Variants in VTA1 observed in about 807,000 individuals in gnomAD.
The protein encoded by VTA1 is vesicle trafficking 1, also known as vacuolar protein sorting-associated protein VTA1 homolog.
VTA1 carries 24 observed loss-of-function variants against 36.9 expected under a neutral mutation model. That is an observed-to-expected ratio of 0.65 (90% CI 0.47 to 0.91). The LOEUF is 0.91. Ranked by LOEUF, VTA1 falls within the 40% of genes least tolerant of loss-of-function variation. The probability of loss-of-function intolerance (pLI) is 0.00; values close to 1 mark genes in which losing one functional copy is unlikely to be tolerated. For missense variants in VTA1, 393 were observed against 377.2 expected, an observed-to-expected ratio of 1.04 and a Z score of -0.35; for synonymous variants, 142 against 130.2, an observed-to-expected ratio of 1.09 and a Z score of -0.62.
At chr6:142,214,530 C>T (rs1445714214) in intron 7 of VTA1, among the ~76,000 whole-genome samples, 1 of 152,194 alleles carries the variant, frequency 6.6e-6, no homozygotes, top group Non-Finnish European at 1.5e-5. Flanking sequence ...ATGATCCACT[C>T]ACCTCCTACC....
intron 7 of VTA1, among the ~76,000 whole-genome samples, chr6:142,209,640 C>G (rs913635341): frequency 6.7e-6 from 1 of 149,570 alleles, no homozygotes; most frequent in Admixed American, 6.6e-5. Flanking sequence ...AAAAAAAATA[C>G]CTGGGAACCG....
chr6:142,174,659 G>T (rs1173804726), intron 4 of VTA1, among the ~76,000 whole-genome samples: 3 of 152,202 alleles, frequency 2.0e-5, no homozygotes, highest in African/African-American at 7.2e-5. Context: ...TTGGATGTTT[G>T]TCCCTGCCAA....
At chr6:142,189,622 A>C in intron 5 of VTA1, 88 bp downstream of exon 5, 1 of 1,008,518 alleles carries the variant, frequency 9.9e-7, no homozygotes, top group Non-Finnish European at 1.4e-6. Flanking sequence ...GGAACAATAC[A>C]GTTTTGTTTT....
At chr6:142,148,948 A>T (rs1223243068) in intron 1 of VTA1, among the ~76,000 whole-genome samples, 2 of 152,128 alleles carry the variant, frequency 1.3e-5, no homozygotes, top group Non-Finnish European at 1.5e-5. Context: ...AAGGTCAAAG[A>T]ATCTCTCATC....
At chr6:142,209,084 C>A (rs1044710511) in intron 7 of VTA1, among the ~76,000 whole-genome samples, 3 of 152,078 alleles carry the variant, frequency 2.0e-5, no homozygotes, top group African/African-American at 7.2e-5. Context: ...ATTAGCCTTG[C>A]TCACAGATGA....
At chr6:142,199,056 A>G (rs1775626445) in intron 6 of VTA1, among the ~76,000 whole-genome samples, 1 of 151,842 alleles carries the variant, frequency 6.6e-6, no homozygotes, top group Non-Finnish European at 1.5e-5. Flanking sequence ...GAAGATGGGT[A>G]TTATTGATGA....
rs192544253 is a variant in VTA1, at chr6:142,212,601, T to C, written c.779-5897T>C. On this transcript the variant is annotated intron_variant, in intron 7 of 7. Transcript: ENST00000367630. ...CACTGTGTTTTAGTCTGTTCTCATA[T>C]TGCTATAAAGAACTACCTGAGACTG... 4.0e-3 allele frequency among the ~76,000 whole-genome samples: 601 copies of C among 152,010 alleles called. 3 individuals are homozygous for C. Among genetic ancestry groups the C allele is most frequent in the African/African-American group, 0.014 (576 of 41,358 alleles).
At chr6:142,181,096 T>A (rs867523689) in intron 4 of VTA1, among the ~76,000 whole-genome samples, 1,904 of 51,258 alleles carry the variant, frequency 0.037, 44 homozygotes, top group African/African-American at 0.068. Context: ...AAAAAAAAAA[T>A]ATATATATAT....
At position 142,214,714 on chromosome 6, in the gene VTA1, C is replaced by T. The variant is rs139351839; in HGVS notation, c.779-3784C>T. On this transcript the variant is annotated intron_variant, in intron 7 of 7. Coordinates refer to ENST00000367630, the MANE Select transcript of VTA1 (RefSeq NM_016485.5). The stretch of plus-strand genomic sequence containing the variant: ...TAATACTGATGGATCAATGCAGGTT[C>T]ATCGATTGTGACAAATATACCACTC... 3.5e-3 allele frequency among the ~76,000 whole-genome samples: 528 copies of T among 152,264 alleles called. 1 individual carries two copies. Among genetic ancestry groups the T allele is most frequent in the African/African-American group, 0.012 (497 of 41,552 alleles).
chr6:142,208,832 A>G (rs922604084), intron 7 of VTA1, among the ~76,000 whole-genome samples: 11 of 152,224 alleles, frequency 7.2e-5, no homozygotes, highest in African/African-American at 2.4e-4. Flanking sequence ...TATGAAGGAA[A>G]GATATAGTCT....
chr6:142,161,654 AT>A (rs1774812265), intron 1 of VTA1, among the ~76,000 whole-genome samples: 1 of 152,116 alleles, frequency 6.6e-6, no homozygotes, highest in Non-Finnish European at 1.5e-5. Flanking sequence ...CTTATAGATG[AT>A]TTTAGCTAAA....
At position 142,198,589 on chromosome 6, in the gene VTA1, C is replaced by T; in HGVS notation, c.671C>T (p.Thr224Ile). 6.2e-7 allele frequency: 1 copy of T among 1,612,626 alleles called. No homozygotes were observed. Among genetic ancestry groups the T allele is most frequent in the African/African-American group, 1.3e-5 (1 of 75,046 alleles). Reference protein sequence around the residue: ...IPPGAHAPANTPAEVPHSTGV... With the variant: ...IPPGAHAPANIPAEVPHSTGV... ...CCGGGTGCACACGCTCCAGCTAATA[C>T]ACCAGCAGAAGTGCCTCACAGCACA... Residue 224 changes from threonine (T) to isoleucine (I), a missense_variant, in exon 6 of 8, where the codon ACA becomes ATA. Coordinates refer to ENST00000367630, the MANE Select transcript of VTA1 (RefSeq NM_016485.5).
intron 1 of VTA1, among the ~76,000 whole-genome samples, chr6:142,155,209 C>T (rs1485064238): frequency 6.6e-5 from 10 of 152,064 alleles, no homozygotes; most frequent in Non-Finnish European, 1.5e-4. Flanking sequence ...AATGAGTACG[C>T]GTTCAGATCC....
At chr6:142,161,390 G>T (rs747937668) in intron 1 of VTA1, among the ~76,000 whole-genome samples, 1 of 151,924 alleles carries the variant, frequency 6.6e-6, no homozygotes, top group African/African-American at 2.4e-5. Context: ...TTTATCATGC[G>T]TATTTCATAG....
At chr6:142,172,200 G>A (rs1375413621) in intron 4 of VTA1, among the ~76,000 whole-genome samples, 4 of 152,118 alleles carry the variant, frequency 2.6e-5, no homozygotes, top group East Asian at 3.9e-4. Flanking sequence ...TAGCAGAGAT[G>A]GGGTTTCACT....
Position 142,220,913 on chromosome 6 carries a change from G to A in VTA1, c.*2270G>A, listed in dbSNP as rs979758479. 6.6e-6 allele frequency: 1 copy of A among 151,978 alleles called. No individual in the cohort carries two copies. Among genetic ancestry groups the A allele is most frequent in the African/African-American group, 2.4e-5 (1 of 41,338 alleles). 9.4% of individuals were successfully genotyped at this position (151,978 alleles called of 1,614,324 possible). On this transcript the variant is annotated 3_prime_UTR_variant, in exon 8 of 8. Coordinates refer to ENST00000367630, the MANE Select transcript of VTA1 (RefSeq NM_016485.5). ...CCTCATAGAGTTTACATTCTAAAAG[G>A]GAGGAAATAGATAATAAAATATACA...
intron 5 of VTA1, among the ~76,000 whole-genome samples, chr6:142,192,116 A>AACAGGCTTCCAC (rs1386443231): frequency 6.6e-6 from 1 of 152,092 alleles, no homozygotes; most frequent in African/African-American, 2.4e-5. Flanking sequence ...AGATATTACA[A>AACAGGCTTCCAC]ACAGGCTTCC....
rs1776100115 is a variant in VTA1 at position 142,221,030 on chromosome 6, C to A, written c.*2387C>A. ...CCAATCAGAAACTCTAGGGATGGGT[C>A]CCAGCCTTCTGAGTTTTAAGAGACA... On this transcript the variant is annotated 3_prime_UTR_variant, in exon 8 of 8. Coordinates refer to ENST00000367630, the MANE Select transcript of VTA1 (RefSeq NM_016485.5). 6.6e-6 allele frequency: 1 copy of A among 152,122 alleles called. No individual in the cohort carries two copies. The highest frequency in any genetic ancestry group is 2.4e-5 in the African/African-American group (1 of 41,442). 9.4% of individuals were successfully genotyped at this position (152,122 alleles called of 1,614,324 possible).
intron 4 of VTA1, among the ~76,000 whole-genome samples, chr6:142,174,981 T>C (rs913512440): frequency 2.0e-5 from 3 of 152,170 alleles, no homozygotes; most frequent in African/African-American, 7.2e-5. Flanking sequence ...CTCTTTTCTG[T>C]ATAAATTAGC....
Sources: gnomAD v4.1 joint callset for allele counts (sites outside exome capture counted in the v4.1 genomes callset) on GRCh38, gnomAD v4.1.1 for gene constraint, MANE v1.5 for transcripts, NCBI Gene and HGNC (gene_info 2026-07-23, HGNC 2026-07-21) for gene names.